The following KHDRBS2 variants were observed in gnomAD, a reference collection of about 807,000 sequenced individuals.
The protein encoded by KHDRBS2 is KH RNA binding domain containing, signal transduction associated 2, also known as KH domain-containing, RNA-binding, signal transduction-associated protein 2.
KHDRBS2 carries 26 observed loss-of-function variants against 44.3 expected under a neutral mutation model. That is an observed-to-expected ratio of 0.59 (90% CI 0.43 to 0.81). KHDRBS2 has a LOEUF of 0.81. Ranked by LOEUF, KHDRBS2 falls within the 40% of genes least tolerant of loss-of-function variation. The pLI is 0.00. For synonymous variants in KHDRBS2, 194 were observed against 151.1 expected (o/e 1.28, Z -2.08); for missense variants, 476 against 433.1 (o/e 1.10, Z -0.88).
chr6:61,611,107 T>C, the KHDRBS2 span, among the ~76,000 whole-genome samples: 1 of 152,190 alleles, frequency 6.6e-6, no homozygotes, highest in Admixed American at 6.5e-5. Context: ...TGACACTTTT[T>C]CAAAGACAGT....
chr6:61,795,353 A>G (rs1340495992), intron 6 of KHDRBS2, among the ~76,000 whole-genome samples: 3 of 151,978 alleles, frequency 2.0e-5, no homozygotes, highest in Non-Finnish European at 1.5e-5. Flanking sequence ...AAGCACTAAA[A>G]GGGAGGCATG....
At chr6:61,967,401 TGATAGATAGATAGACA>T (rs1313020215) in intron 4 of KHDRBS2, among the ~76,000 whole-genome samples, 2 of 150,512 alleles carry the variant, frequency 1.3e-5, no homozygotes, top group Non-Finnish European at 2.9e-5. Context: ...TGAAGATAGA[TGATAGATAGATAGACA>T]GATAGATAGA....
rs554973467 is a variant in KHDRBS2, at chr6:62,201,039, A to T, written c.92-23727T>A. On this transcript the variant is annotated intron_variant, in intron 1 of 8. Coordinates refer to ENST00000281156, the MANE Select transcript of KHDRBS2 (RefSeq NM_152688.4). ...TCATAGGTGGGACTTGAACAATGAG[A>T]ACACATGGACACAGGAAGGGGAGCA... Among the ~76,000 whole-genome samples the T allele has an allele frequency of 2.0e-5, 3 of 152,240 alleles. No homozygotes were observed. In the South Asian group the frequency reaches 6.2e-4, roughly 32 times the overall value.
intron 6 of KHDRBS2, among the ~76,000 whole-genome samples, chr6:61,834,463 A>T (rs564894400): frequency 6.6e-6 from 1 of 152,210 alleles, no homozygotes; most frequent in African/African-American, 2.4e-5. Context: ...TACCTTTGAT[A>T]GCTCTGATTC....
chr6:61,957,324 T>A lies in KHDRBS2; in HGVS notation c.483+20742A>T, dbSNP rs182190498. On this transcript the variant is annotated intron_variant, in intron 4 of 8. Transcript: ENST00000281156. Reference sequence around the variant, plus strand: ...TGATAAAAGAACAGGATAACAGCAATGTTCAGGGAACAAGGGAGATAACCT... The same window carrying A: ...TGATAAAAGAACAGGATAACAGCAAAGTTCAGGGAACAAGGGAGATAACCT... Among the ~76,000 whole-genome samples, 28 of 152,314 alleles carry A rather than the reference T, an allele frequency of 1.8e-4. 1 individual carries two copies. The highest frequency in any genetic ancestry group is 6.5e-4 in the African/African-American group (27 of 41,582).
chr6:61,739,697 G>C (rs886771681), intron 6 of KHDRBS2, among the ~76,000 whole-genome samples: 1 of 151,868 alleles, frequency 6.6e-6, no homozygotes, highest in Non-Finnish European at 1.5e-5. Flanking sequence ...CTGGCTTTTA[G>C]CATTTGTCAA....
At chr6:61,997,733 G>A (rs1438937905) in intron 3 of KHDRBS2, among the ~76,000 whole-genome samples, 1 of 152,092 alleles carries the variant, frequency 6.6e-6, no homozygotes, top group Non-Finnish European at 1.5e-5. Flanking sequence ...ACTGACTCTG[G>A]AGAATGTTCT....
At chr6:61,897,086 T>C (rs1803058186) in intron 5 of KHDRBS2, among the ~76,000 whole-genome samples, 1 of 152,178 alleles carries the variant, frequency 6.6e-6, no homozygotes, top group African/African-American at 2.4e-5. Flanking sequence ...CTATAATCTG[T>C]TTTCTTCCTA....
intron 6 of KHDRBS2, among the ~76,000 whole-genome samples, chr6:61,846,275 T>C (rs1221242803): frequency 1.3e-5 from 2 of 152,214 alleles, no homozygotes; most frequent in African/African-American, 4.8e-5. Flanking sequence ...AATTATAGAC[T>C]ACTGATTAAA....
At chr6:61,616,421 A>T in the KHDRBS2 span, among the ~76,000 whole-genome samples, 1 of 151,552 alleles carries the variant, frequency 6.6e-6, no homozygotes, top group South Asian at 2.1e-4. Flanking sequence ...CTATGCTAAG[A>T]TGCTAAGAAT....
chr6:61,783,410 G>A (rs567293754), intron 6 of KHDRBS2, among the ~76,000 whole-genome samples: 29 of 152,120 alleles, frequency 1.9e-4, no homozygotes, highest in South Asian at 8.3e-4. Context: ...GTCAGTCTCC[G>A]CAGAAGACTG....
chr6:62,277,570 C>G (rs909307270), intron 1 of KHDRBS2, among the ~76,000 whole-genome samples: 6 of 152,058 alleles, frequency 3.9e-5, no homozygotes, highest in Non-Finnish European at 8.8e-5. Flanking sequence ...CCTCGATCTC[C>G]TGACCTTGTG....
chr6:61,720,330 C>G (rs1772233497), intron 7 of KHDRBS2, among the ~76,000 whole-genome samples: 1 of 152,098 alleles, frequency 6.6e-6, no homozygotes, highest in Non-Finnish European at 1.5e-5. Flanking sequence ...ATTTCTAGTT[C>G]TAGATCCCTG....
intron 6 of KHDRBS2, among the ~76,000 whole-genome samples, chr6:61,787,257 C>T (rs1783960558): frequency 6.6e-6 from 1 of 151,398 alleles, no homozygotes; most frequent in Admixed American, 6.6e-5. Flanking sequence ...TTGACCTTAT[C>T]GCTTATTATC....
At chr6:61,800,211 G>C (rs566889451) in intron 6 of KHDRBS2, among the ~76,000 whole-genome samples, 1 of 151,986 alleles carries the variant, frequency 6.6e-6, no homozygotes, top group Admixed American at 6.6e-5. Flanking sequence ...TTTTCAAAGG[G>C]AATGATTAAG....
chr6:62,100,277 T>C (rs1244350267), intron 2 of KHDRBS2, among the ~76,000 whole-genome samples: 1 of 152,216 alleles, frequency 6.6e-6, no homozygotes, highest in African/African-American at 2.4e-5. Context: ...GATGAGGAAT[T>C]GCTTTTTATA....
At chr6:61,758,852 T>C (rs1222117696) in intron 6 of KHDRBS2, among the ~76,000 whole-genome samples, 2 of 152,154 alleles carry the variant, frequency 1.3e-5, no homozygotes, top group Admixed American at 6.5e-5. Flanking sequence ...TGTACATTAT[T>C]GAATCAACAT....
chr6:62,181,554 G>C (rs1382843687), intron 1 of KHDRBS2, among the ~76,000 whole-genome samples: 1 of 151,962 alleles, frequency 6.6e-6, no homozygotes, highest in Non-Finnish European at 1.5e-5. Flanking sequence ...CAAGGATGTG[G>C]ATAAAAGGGA....
intron 6 of KHDRBS2, among the ~76,000 whole-genome samples, chr6:61,864,276 T>C (rs748745632): frequency 6.6e-6 from 1 of 152,142 alleles, no homozygotes; most frequent in African/African-American, 2.4e-5. Context: ...CCATTTACAT[T>C]TAAGGATAGT....
Sources: gnomAD v4.1 joint callset for allele counts (sites outside exome capture counted in the v4.1 genomes callset) on GRCh38, gnomAD v4.1.1 for gene constraint, MANE v1.5 for transcripts, NCBI Gene and HGNC (gene_info 2026-07-23, HGNC 2026-07-21) for gene names.